The following KIAA1217 variants were observed in gnomAD, a reference collection of about 807,000 sequenced individuals.
KIAA1217 encodes the protein KIAA1217, also known as sickle tail protein homolog.
A neutral mutation model predicts 163.9 loss-of-function variants in KIAA1217; 88 were observed. The ratio of observed to expected loss-of-function variants is 0.54; its 90% CI spans 0.45 to 0.64. The LOEUF is 0.64. KIAA1217 is among the 30% of genes least tolerant of loss of function. The probability of loss-of-function intolerance (pLI) is 0.00; values close to 1 mark genes in which losing one functional copy is unlikely to be tolerated. For synonymous variants in KIAA1217, 903 were observed against 923.1 expected (o/e 0.98, Z 0.39); for missense variants, 2,372 against 2,475.0 (o/e 0.96, Z 0.88).
intron 2 of KIAA1217, among the ~76,000 whole-genome samples, chr10:24,238,007 T>G (rs1032685368): frequency 7.9e-5 from 12 of 152,222 alleles, no homozygotes; most frequent in Admixed American, 6.5e-5. Flanking sequence ...AACCTATGAT[T>G]GCTCTCTGTA....
At chr10:24,205,302 CAAAAAAAAA>C (rs61292023), upstream of KIAA1217, among the ~76,000 whole-genome samples, 70 of 36,610 alleles carry the variant, frequency 1.9e-3, 2 homozygotes, top group African/African-American at 4.8e-3. Context: ...ACTAAAAATA[CAAAAAAAAA>C]AAAAAAAAAA....
At chr10:24,184,408 T>A (rs2066324652) in intron 2 of KIAA1217, among the ~76,000 whole-genome samples, 1 of 152,226 alleles carries the variant, frequency 6.6e-6, no homozygotes, top group Admixed American at 6.5e-5. Flanking sequence ...TTTTAGATAG[T>A]ATCTTTTTTT....
At chr10:23,815,469 C>G (rs553472787) in intron 1 of KIAA1217, among the ~76,000 whole-genome samples, 1 of 152,012 alleles carries the variant, frequency 6.6e-6, no homozygotes, top group Non-Finnish European at 1.5e-5. Flanking sequence ...ACGGTGAAAC[C>G]CCGTCTCTAC....
intron 2 of KIAA1217, among the ~76,000 whole-genome samples, chr10:24,165,303 T>C (rs1180230079): frequency 1.3e-5 from 2 of 152,130 alleles, no homozygotes; most frequent in African/African-American, 2.4e-5. Flanking sequence ...AGAAGTTGAA[T>C]AGGAGCCTGA....
intron 6 of KIAA1217, chr10:24,481,074 C>G (rs969028306): frequency 2.0e-5 from 3 of 150,736 alleles, no homozygotes; most frequent in Non-Finnish European, 4.4e-5. Flanking sequence ...TGATTCAGCT[C>G]TTGTCTGAAT....
At chr10:24,463,649 T>C (rs1376866814) in intron 5 of KIAA1217, among the ~76,000 whole-genome samples, 3 of 152,238 alleles carry the variant, frequency 2.0e-5, no homozygotes, top group Non-Finnish European at 2.9e-5. Context: ...CAAATGTAAT[T>C]TTTTTAAAGC....
At chr10:23,698,869 C>T (rs1438715381) in intron 1 of KIAA1217, among the ~76,000 whole-genome samples, 3 of 152,080 alleles carry the variant, frequency 2.0e-5, no homozygotes. Flanking sequence ...ACTGTAGCCT[C>T]AACCTCCTGG....
At chr10:24,193,407 A>T (rs759619767) in intron 2 of KIAA1217, among the ~76,000 whole-genome samples, 6 of 152,234 alleles carry the variant, frequency 3.9e-5, no homozygotes, top group African/African-American at 7.2e-5. Flanking sequence ...GCTGCTTCAG[A>T]AGCTGTTCCT....
intron 10 of KIAA1217, 59 bp from the exon 11 acceptor site, chr10:24,520,064 C>T: frequency 6.4e-6 from 10 of 1,551,612 alleles, no homozygotes; most frequent in Non-Finnish European, 7.9e-6. Flanking sequence ...CTCGGCCCCT[C>T]CTCTTCCTCT....
Position 24,045,185 on chromosome 10 carries a change from A to G in KIAA1217, c.-171+37811A>G, listed in dbSNP as rs186524897. Among the ~76,000 whole-genome samples the G allele has an allele frequency of 3.4e-3, 523 of 152,240 alleles. 8 individuals carry two copies. The highest frequency in any genetic ancestry group is 4.6e-3 in the East Asian group (24 of 5,176). Reference sequence around the variant, plus strand: ...CTTTCTCCATTGTCTTTTGAGATCTAGAAGTGTTGATGAGAAGTCCTGTGT... The same window carrying G: ...CTTTCTCCATTGTCTTTTGAGATCTGGAAGTGTTGATGAGAAGTCCTGTGT... On this transcript the variant is annotated intron_variant, in intron 2 of 18. Transcript: ENST00000376462.
intron 2 of KIAA1217, among the ~76,000 whole-genome samples, chr10:24,015,476 C>T (rs1253922262): frequency 6.6e-6 from 1 of 152,004 alleles, no homozygotes; most frequent in South Asian, 2.1e-4. Flanking sequence ...CAACATAAGG[C>T]CAGGCATGGT....
rs572841711 is a variant in KIAA1217, at chr10:23,835,378, T to C, written c.-321+140144T>C. 1.1e-4 allele frequency among the ~76,000 whole-genome samples: 16 copies of C among 152,248 alleles called. 1 individual carries two copies. The highest frequency in any genetic ancestry group is 3.8e-4 in the African/African-American group (16 of 41,576). On this transcript the variant is annotated intron_variant, in intron 1 of 18. Coordinates refer to the KIAA1217 transcript ENST00000376462. The stretch of plus-strand genomic sequence containing the variant: ...AAAAATGGAGTGATTTTTTTTTGGC[T>C]TATCTGAGAAGGGGGAACCCTCCTC...
chr10:23,934,115 T>C (rs551333805), intron 1 of KIAA1217, among the ~76,000 whole-genome samples: 1 of 152,240 alleles, frequency 6.6e-6, no homozygotes, highest in South Asian at 2.1e-4. Context: ...CTGTTTACAA[T>C]AGCAAAGACA....
chr10:24,466,246 T>C (rs1021024375), intron 5 of KIAA1217, among the ~76,000 whole-genome samples: 1 of 152,156 alleles, frequency 6.6e-6, no homozygotes, highest in Non-Finnish European at 1.5e-5. Flanking sequence ...GGATTGAGTA[T>C]GTTGGGTTTT....
chr10:23,793,907 T>A (rs1353055844), intron 1 of KIAA1217, among the ~76,000 whole-genome samples: 1 of 152,190 alleles, frequency 6.6e-6, no homozygotes. Flanking sequence ...ACGGTTCAAA[T>A]GAGGTGAAAT....
At chr10:23,962,896 G>A (rs1336941615) in intron 1 of KIAA1217, among the ~76,000 whole-genome samples, 2 of 152,130 alleles carry the variant, frequency 1.3e-5, no homozygotes, top group African/African-American at 4.8e-5. Context: ...CATACAGGGA[G>A]GTGGACACCA....
chr10:24,484,491 C>T (rs539190365), intron 6 of KIAA1217, among the ~76,000 whole-genome samples: 2 of 151,882 alleles, frequency 1.3e-5, no homozygotes, highest in Admixed American at 6.6e-5. Context: ...AAGGGATCCG[C>T]CCACCTCGGC....
intron 14 of KIAA1217, among the ~76,000 whole-genome samples, 190 bp downstream of exon 14, chr10:24,528,309 G>GC (rs1417090258): frequency 1.4e-5 from 1 of 73,924 alleles, no homozygotes; most frequent in Non-Finnish European, 3.1e-5. Flanking sequence ...CTCTCTTTTT[G>GC]TTTTTTTTTT....
At chr10:23,869,665 C>CT (rs1840367339) in intron 1 of KIAA1217, among the ~76,000 whole-genome samples, 1 of 152,082 alleles carries the variant, frequency 6.6e-6, no homozygotes, top group Non-Finnish European at 1.5e-5. Flanking sequence ...ACCATCTCAC[C>CT]TTCTGAGGTA....
Sources: gnomAD v4.1 joint callset for allele counts (sites outside exome capture counted in the v4.1 genomes callset) on GRCh38, gnomAD v4.1.1 for gene constraint, MANE v1.5 for transcripts, NCBI Gene and HGNC (gene_info 2026-07-23, HGNC 2026-07-21) for gene names.